EBI3: variants seen among roughly 807,000 people sequenced by gnomAD.
The protein encoded by EBI3 is interleukin-27 subunit beta.
In EBI3, 19 loss-of-function variants were observed where a neutral mutation model predicts 21.3. That is an observed-to-expected ratio of 0.89 (90% CI 0.62 to 1.31). EBI3 has a LOEUF of 1.31. Ranked by LOEUF, EBI3 falls within the 50% of genes most tolerant of loss-of-function variation. The pLI, the probability that EBI3 is intolerant of heterozygous loss-of-function variation, is 0.00. For synonymous variants in EBI3, 154 were observed against 131.2 expected (o/e 1.17, Z -1.19); for missense variants, 331 against 314.0 (o/e 1.05, Z -0.41).
At chr19:4,235,908 C>T (rs949282267) in intron 4 of EBI3, among the ~76,000 whole-genome samples, 4 of 152,106 alleles carry the variant, frequency 2.6e-5, no homozygotes, top group African/African-American at 9.7e-5. Flanking sequence ...GCCTGGGTAA[C>T]AGAGAGAGAC....
chr19:4,235,979 G>A (rs1970833478), intron 4 of EBI3, among the ~76,000 whole-genome samples: 1 of 152,100 alleles, frequency 6.6e-6, no homozygotes, highest in Admixed American at 6.6e-5. Flanking sequence ...TAGGTGCAGT[G>A]GCTCATGCCT....
Position 4,233,141 on chromosome 19 carries a change from T to C in EBI3, c.213T>C (p.Ala71=), listed in dbSNP as rs1970805624. The C allele has an allele frequency of 3.1e-6, 5 of 1,595,910 alleles. No individual in the cohort carries two copies. Among genetic ancestry groups the C allele is most frequent in the Non-Finnish European group, 4.2e-6 (5 of 1,176,926 alleles). The change falls in exon 3 of 5, where the codon GCT becomes GCC. Residue 71 remains alanine (A), a synonymous_variant. Transcript: ENST00000221847. ...SFIATYRLGM[A]ARGHSWPCLQ... Reference sequence around the variant, plus strand: ...CCACCCTGTGCAGGCTCGGCATGGCTGCCCGGGGCCACAGCTGGCCCTGCC... The same window carrying C: ...CCACCCTGTGCAGGCTCGGCATGGCCGCCCGGGGCCACAGCTGGCCCTGCC...
chr19:4,235,159 C>T (rs939418134), intron 4 of EBI3, among the ~76,000 whole-genome samples: 4 of 151,882 alleles, frequency 2.6e-5, no homozygotes, highest in Admixed American at 6.6e-5. Flanking sequence ...GCTGGGATTA[C>T]GGGCACGTGC....
intron 4 of EBI3, among the ~76,000 whole-genome samples, chr19:4,235,065 C>T (rs1194292442): frequency 6.6e-6 from 1 of 152,312 alleles, no homozygotes; most frequent in South Asian, 2.1e-4. Context: ...CTCGCTCTGT[C>T]GCCCAGGCAG....
At chr19:4,232,546 C>G (rs937971713) in intron 2 of EBI3, among the ~76,000 whole-genome samples, 2 of 150,418 alleles carry the variant, frequency 1.3e-5, no homozygotes, top group South Asian at 2.1e-4. Flanking sequence ...ACTGAGACCC[C>G]CCCCCATCTG....
rs1970762866 is a variant in EBI3, at chr19:4,229,536, G to A, written c.-15G>A. On this transcript the variant is annotated 5_prime_UTR_variant, in exon 1 of 5. Transcript: ENST00000221847. Reference sequence around the variant, plus strand: ...ACGTTCCCACCCACTCCTGAGAGCAGAGCTGGCCGCAGCCATGACCCCGCA... The same window carrying A: ...ACGTTCCCACCCACTCCTGAGAGCAAAGCTGGCCGCAGCCATGACCCCGCA... 6.2e-7 allele frequency: 1 copy of A among 1,607,796 alleles called. No individual in the cohort carries two copies. The highest frequency in any genetic ancestry group is 1.7e-4 in the Middle Eastern group (1 of 6,052).
At position 4,233,110 on chromosome 19, in the gene EBI3, C is replaced by T. The variant is rs111301100; in HGVS notation, c.201-19C>T. 0.067 allele frequency: 103,852 copies of T among 1,553,630 alleles called. 6,650 individuals are homozygous for T. The highest frequency in any genetic ancestry group is 0.29 in the South Asian group (24,156 of 83,982). ...CACAGGCACTCCCTGAGGCGCTCAG[C>T]GAGCCCCACCCTGTGCAGGCTCGGC... On this transcript the variant is annotated intron_variant, in intron 2 of 4. Transcript: ENST00000221847.
rs554227389 is a variant in EBI3, at chr19:4,234,814, G to C, written c.527G>C (p.Arg176Pro). 2.5e-6 allele frequency: 4 copies of C among 1,613,848 alleles called. No homozygotes were observed. The highest frequency in any genetic ancestry group is 3.4e-6 in the Non-Finnish European group (4 of 1,179,824). ...CGTTACAAGCGTCAGGGAGCTGCGC[G>C]CTTCCACCGGGTGAGGAGGATGAGG... ...WIRYKRQGAARFHRVGPIEAT... is the reference protein window; with the variant it reads ...WIRYKRQGAAPFHRVGPIEAT... Residue 176 changes from arginine (R) to proline (P), a missense_variant, in exon 4 of 5, where the codon CGC (arginine) becomes CCC (proline). Physicochemically the swap from Arg to Pro is moderately radical, Grantham distance 103. Transcript: ENST00000221847.
intron 2 of EBI3, 61 bp downstream of exon 2, chr19:4,231,384 G>T: frequency 6.6e-7 from 1 of 1,516,886 alleles, no homozygotes. Flanking sequence ...CCAGAACTCT[G>T]GCCCTGAGAG....
intron 3 of EBI3, 59 bp downstream of exon 3, chr19:4,233,366 C>T (rs1970809282): frequency 6.0e-6 from 9 of 1,506,286 alleles, no homozygotes; most frequent in African/African-American, 5.5e-5. Context: ...CAGCTCCCCC[C>T]ACCCCACCTC....
chr19:4,232,721 C>CATGA (rs1171270691), intron 2 of EBI3, among the ~76,000 whole-genome samples: 1 of 151,740 alleles, frequency 6.6e-6, no homozygotes, highest in African/African-American at 2.4e-5. Context: ...GAGACCCTGT[C>CATGA]ATGAATGAAT....
intron 1 of EBI3, among the ~76,000 whole-genome samples, chr19:4,230,826 G>A (rs10412679): frequency 0.021 from 3,206 of 151,318 alleles, 75 homozygotes; most frequent in African/African-American, 0.055. Context: ...GCAGTGAGCC[G>A]AGATCTCGCC....
intron 2 of EBI3, 140 bp from the exon 3 acceptor site, chr19:4,232,989 C>T: frequency 9.8e-7 from 1 of 1,022,662 alleles, no homozygotes; most frequent in Non-Finnish European, 1.3e-6. Context: ...CGGCCACCAC[C>T]AGGACCCCAC....
chr19:4,234,129 C>T (rs1444683443), intron 3 of EBI3, among the ~76,000 whole-genome samples: 1 of 152,178 alleles, frequency 6.6e-6, no homozygotes. Flanking sequence ...TCACTTGAAC[C>T]CAGGAGGTGG....
Position 4,233,183 on chromosome 19 carries a change from G to A in EBI3, c.255G>A (p.Thr85=), listed in dbSNP as rs1280944615. 4.3e-6 allele frequency: 7 copies of A among 1,610,230 alleles called. No homozygotes were observed. In the East Asian group the frequency reaches 6.7e-5, roughly 15 times the overall value. ...HSWPCLQQTP[T]STSCTITDVQ... ...GGCCCTGCCTGCAGCAGACGCCAAC[G>A]TCCACCAGCTGCACCATCACGGATG... The change falls in exon 3 of 5, where the codon ACG becomes ACA. Residue 85 remains threonine (T), a synonymous_variant. Transcript: ENST00000221847.
intron 2 of EBI3, among the ~76,000 whole-genome samples, chr19:4,232,809 AATGAACGG>A (rs1391753202): frequency 2.9e-4 from 38 of 132,134 alleles, no homozygotes; most frequent in Non-Finnish European, 4.4e-4. Context: ...TTAATGAATG[AATGAACGG>A]ATGAATGAAT....
At chr19:4,232,372 A>G (rs1374851093) in intron 2 of EBI3, among the ~76,000 whole-genome samples, 1 of 151,924 alleles carries the variant, frequency 6.6e-6, no homozygotes, top group African/African-American at 2.4e-5. Context: ...ACTTGAGCCC[A>G]GGAGTTTGAG....
intron 2 of EBI3, among the ~76,000 whole-genome samples, chr19:4,232,790 A>AC (rs1490398787): frequency 2.8e-4 from 38 of 133,478 alleles, no homozygotes; most frequent in Non-Finnish European, 4.0e-4. Flanking sequence ...GAATGAATGA[A>AC]GGAATGAATT....
rs1294204172 is a variant in EBI3, at chr19:4,234,699, A to T, written c.412A>T (p.Ser138Cys). 1 of 1,613,986 alleles carries T rather than the reference A, an allele frequency of 6.2e-7. No homozygotes were observed. Among genetic ancestry groups the T allele is most frequent in the African/African-American group, 1.3e-5 (1 of 74,932 alleles). ...CGACCCTCCAGAAGGCGTGCGCCTA[A>T]GCCCCCTCGCTGAGCGCCAGCTACA... ...KPDPPEGVRL[S>C]PLAERQLQVQ... The change falls in exon 4 of 5, where the codon AGC (serine) becomes TGC (cysteine). Residue 138 changes from serine to cysteine, a missense_variant. Ser to Cys is a moderately radical substitution (Grantham distance 112, BLOSUM62 -1). Coordinates refer to ENST00000221847, the MANE Select transcript of EBI3 (RefSeq NM_005755.3).
Sources: allele counts gnomAD v4.1 joint callset (sites outside exome capture counted in the v4.1 genomes callset), GRCh38; gene constraint gnomAD v4.1.1; transcripts MANE v1.5; gene names NCBI Gene and HGNC (gene_info 2026-07-23, HGNC 2026-07-21).